Variants in PGS1 observed in about 807,000 individuals in gnomAD.
PGS1 encodes CDP-diacylglycerol--glycerol-3-phosphate 3-phosphatidyltransferase, mitochondrial.
A neutral mutation model predicts 58.3 loss-of-function variants in PGS1; 44 were observed. The ratio of observed to expected loss-of-function variants is 0.75; its 90% confidence interval spans 0.59 to 0.97. The LOEUF (loss-of-function observed/expected upper bound fraction) is 0.97, where lower values mean the gene tolerates loss of function less well. PGS1 is among the 50% of genes least tolerant of loss of function. The pLI is 0.00. For missense variants in PGS1, 684 were observed against 731.1 expected (o/e 0.94, Z 0.74); for synonymous variants, 330 against 311.0 (o/e 1.06, Z -0.64).
intron 3 of PGS1, among the ~76,000 whole-genome samples, chr17:78,396,906 T>C (rs1321646757): frequency 6.6e-6 from 1 of 152,248 alleles, no homozygotes; most frequent in African/African-American, 2.4e-5. Flanking sequence ...AACGGGGTAG[T>C]TGTGACAGTG....
Position 78,424,308 on chromosome 17 carries a change from C to CA in PGS1, c.*258_*259insA. The CA allele has an allele frequency of 2.2e-6, 2 of 917,246 alleles. No individual in the cohort carries two copies. The highest frequency in any genetic ancestry group is 3.2e-6 in the Non-Finnish European group (2 of 628,740). 56.8% of individuals were successfully genotyped at this position (917,246 alleles called of 1,614,324 possible). On this transcript the variant is annotated 3_prime_UTR_variant, in exon 10 of 10. Transcript: ENST00000262764. ...AGCTGCCACGGCTGGAAGCAGAGGCCTTCGTAGGTGATGGCCTGCATGTTG... is the reference window on the plus strand; with the variant it reads ...AGCTGCCACGGCTGGAAGCAGAGGCCATTCGTAGGTGATGGCCTGCATGTTG...
chr17:78,380,561 G>T (rs911245577), intron 1 of PGS1, among the ~76,000 whole-genome samples: 3 of 152,180 alleles, frequency 2.0e-5, no homozygotes, highest in Admixed American at 6.5e-5. Context: ...CATTTTTTCA[G>T]TGTTTAACAA....
chr17:78,410,786 T>C, intron 7 of PGS1, among the ~76,000 whole-genome samples: 1 of 152,080 alleles, frequency 6.6e-6, no homozygotes. Flanking sequence ...GAGCTTTTTT[T>C]ACACTTAATT....
At chr17:78,382,517 T>A (rs937993387) in intron 1 of PGS1, 15 of 152,040 alleles carry the variant, frequency 9.9e-5, no homozygotes, top group African/African-American at 3.1e-4. Flanking sequence ...TTAATCAGTA[T>A]CCAGGTTCCT....
At chr17:78,399,281 G>GC (rs2083469866) in intron 4 of PGS1, 67 bp from the exon 5 acceptor site, 2 of 1,264,198 alleles carry the variant, frequency 1.6e-6, no homozygotes, top group Non-Finnish European at 1.1e-6. Flanking sequence ...CGTGGAGGTG[G>GC]CTCCTCATTG....
intron 3 of PGS1, among the ~76,000 whole-genome samples, chr17:78,396,726 TAA>T (rs2083255222): frequency 1.3e-5 from 2 of 152,234 alleles, no homozygotes; most frequent in Admixed American, 6.5e-5. Context: ...GACTGTGAGC[TAA>T]GAAAGAATGG....
rs1042474279 is a variant in PGS1, at chr17:78,411,005, C to T, written c.1403-3874C>T. ...AGATGCGTCTCTACAAATATCGGAA[C>T]GAGCTACGAAGAGCAGAGCAAGAGA... On this transcript the variant is annotated intron_variant, in intron 7 of 9. Coordinates refer to ENST00000262764, the MANE Select transcript of PGS1 (RefSeq NM_024419.5). 1.4e-4 allele frequency among the ~76,000 whole-genome samples: 22 copies of T among 152,208 alleles called. No individual in the cohort carries two copies. The East Asian group carries it at 1.9e-3, about 13-fold the overall frequency.
chr17:78,407,746 C>G (rs1230557992), intron 7 of PGS1, among the ~76,000 whole-genome samples: 1 of 152,266 alleles, frequency 6.6e-6, no homozygotes, highest in South Asian at 2.1e-4. Flanking sequence ...GCACAGCACT[C>G]TCTGGGAGCC....
chr17:78,413,759 A>T (rs918922521), intron 7 of PGS1, among the ~76,000 whole-genome samples: 2 of 152,154 alleles, frequency 1.3e-5, no homozygotes, highest in African/African-American at 4.8e-5. Context: ...TCTTTTTAGA[A>T]GTAGTTCTGA....
intron 7 of PGS1, among the ~76,000 whole-genome samples, chr17:78,408,140 A>G (rs923032860): frequency 6.6e-6 from 1 of 152,196 alleles, no homozygotes. Context: ...TATCTCTATC[A>G]CATTTCAATA....
chr17:78,405,147 A>AC (rs1373885955), intron 7 of PGS1, among the ~76,000 whole-genome samples: 5 of 149,378 alleles, frequency 3.3e-5, no homozygotes, highest in South Asian at 2.1e-4. Flanking sequence ...ACAGGCATGC[A>AC]CCATTACGCC....
At chr17:78,417,091 G>A (rs1005371880) in intron 8 of PGS1, among the ~76,000 whole-genome samples, 2 of 152,154 alleles carry the variant, frequency 1.3e-5, no homozygotes, top group Non-Finnish European at 2.9e-5. Flanking sequence ...AAGCTTCCTG[G>A]TTTTGTTCAG....
intron 9 of PGS1, chr17:78,421,582 A>T (rs2146359906): frequency 6.6e-6 from 1 of 152,372 alleles, no homozygotes; most frequent in Middle Eastern, 3.4e-3. Context: ...TTTGCCTTCC[A>T]ACTAGTTATT....
At chr17:78,398,640 C>T (rs2083425460) in intron 4 of PGS1, among the ~76,000 whole-genome samples, 1 of 152,312 alleles carries the variant, frequency 6.6e-6, no homozygotes, top group East Asian at 1.9e-4. Context: ...AGTTTGAGTC[C>T]AGCCTGGGCA....
Position 78,397,589 on chromosome 17 carries a change from A to ACC in PGS1, c.412-657_412-656dup, listed in dbSNP as rs34040603. The stretch of plus-strand genomic sequence containing the variant: ...GTAGTTGGGATTACAGGCATGCGCC[A>ACC]CCCCCCCAGCTAATTTTGTATTTTT... On this transcript the variant is annotated intron_variant, in intron 3 of 9. Transcript: ENST00000262764. Among the ~76,000 whole-genome samples, 243 of 129,778 alleles carry ACC rather than the reference A, an allele frequency of 1.9e-3. 3 individuals carry two copies. Among genetic ancestry groups the ACC allele is most frequent in the African/African-American group, 5.3e-3 (204 of 38,550 alleles). 85.1% of individuals were successfully genotyped at this position (129,778 alleles called of 152,430 possible).
chr17:78,412,295 T>G (rs2084781943), intron 7 of PGS1, among the ~76,000 whole-genome samples: 1 of 152,000 alleles, frequency 6.6e-6, no homozygotes, highest in African/African-American at 2.4e-5. Flanking sequence ...GCAGTGCAAA[T>G]AATTCTGGCG....
At chr17:78,416,194 T>C (rs527948670) in intron 8 of PGS1, among the ~76,000 whole-genome samples, 207 of 152,116 alleles carry the variant, frequency 1.4e-3, no homozygotes, top group African/African-American at 4.9e-3. Flanking sequence ...AGTGGGGTAA[T>C]GGGTTTGCTC....
chr17:78,383,047 T>C (rs956566144), intron 1 of PGS1, among the ~76,000 whole-genome samples: 3 of 152,224 alleles, frequency 2.0e-5, no homozygotes, highest in Non-Finnish European at 4.4e-5. Flanking sequence ...CAAGGAAATA[T>C]TTATCTGTGG....
At chr17:78,389,141 C>T (rs1309232083) in intron 1 of PGS1, among the ~76,000 whole-genome samples, 2 of 144,576 alleles carry the variant, frequency 1.4e-5, no homozygotes, top group African/African-American at 5.2e-5. Flanking sequence ...CGGCTCACTG[C>T]AACCTCTGGC....
Sources: allele counts gnomAD v4.1 joint callset (sites outside exome capture counted in the v4.1 genomes callset), GRCh38; gene constraint gnomAD v4.1.1; transcripts MANE v1.5; gene names NCBI Gene and HGNC (gene_info 2026-07-23, HGNC 2026-07-21).